The following DYM variants were observed in gnomAD, a reference collection of about 807,000 sequenced individuals.
DYM encodes dymeclin.
A neutral mutation model predicts 93.1 loss-of-function variants in DYM; 78 were observed. The ratio of observed to expected loss-of-function variants is 0.84; its 90% CI spans 0.70 to 1.01. DYM has a LOEUF of 1.01. Among genes scored for constraint, DYM ranks in the 50% least tolerant of loss-of-function variants. DYM has a pLI of 0.00. For missense variants in DYM, 789 were observed against 845.0 expected (o/e 0.93, Z 0.82); for synonymous variants, 321 against 319.7 (o/e 1.00, Z -0.04).
intron 14 of DYM, among the ~76,000 whole-genome samples, chr18:49,174,916 G>A (rs2089211137): frequency 6.6e-6 from 1 of 152,076 alleles, no homozygotes; most frequent in Non-Finnish European, 1.5e-5. Context: ...CGGAAAACAT[G>A]TGAGGATTAA....
At chr18:49,232,173 T>C (rs2093714842) in intron 13 of DYM, among the ~76,000 whole-genome samples, 1 of 152,226 alleles carries the variant, frequency 6.6e-6, no homozygotes, top group African/African-American at 2.4e-5. Flanking sequence ...TTCTGCTTTA[T>C]CCTAGTTTGG....
chr18:49,327,340 A>G (rs1039102107), intron 8 of DYM, among the ~76,000 whole-genome samples: 4 of 151,790 alleles, frequency 2.6e-5, no homozygotes, highest in South Asian at 4.2e-4. Flanking sequence ...TCTACTGTGT[A>G]TATCTTTAGG....
In DYM at chr18:49,038,064, A is replaced by G. The variant is rs1478194988; in HGVS notation, c.*5991T>C. On this transcript the variant is annotated 3_prime_UTR_variant, in exon 18 of 18. Coordinates refer to ENST00000675505, the MANE Select transcript of DYM (RefSeq NM_001353214.3). Reference sequence around the variant, plus strand: ...GGTCTCAAACTCCTGGGCTCAAGTGATCTTCCTGACTTGGCCTCTCAAAGT... The same window carrying G: ...GGTCTCAAACTCCTGGGCTCAAGTGGTCTTCCTGACTTGGCCTCTCAAAGT... 6.6e-6 allele frequency among the ~76,000 whole-genome samples: 1 copy of G among 152,116 alleles called. No individual in the cohort carries two copies. The highest frequency in any genetic ancestry group is 1.5e-5 in the Non-Finnish European group (1 of 68,028).
chr18:49,289,120 G>A (rs1284776868), intron 8 of DYM, among the ~76,000 whole-genome samples: 1 of 152,060 alleles, frequency 6.6e-6, no homozygotes, highest in Non-Finnish European at 1.5e-5. Flanking sequence ...TAAAGGTAGT[G>A]TGCCAGATCA....
At chr18:49,321,294 T>G in intron 8 of DYM, 1 of 398,118 alleles carries the variant, frequency 2.5e-6, no homozygotes, top group South Asian at 1.3e-4. Flanking sequence ...ATTGCTTTAT[T>G]CTATATTCCT....
At chr18:49,098,097 A>G (rs1263061313) in intron 16 of DYM, among the ~76,000 whole-genome samples, 1 of 152,210 alleles carries the variant, frequency 6.6e-6, no homozygotes, top group Admixed American at 6.5e-5. Context: ...ACACAGTAGC[A>G]TTCTGGAAAT....
chr18:49,235,117 C>G (rs1270450652), intron 13 of DYM, among the ~76,000 whole-genome samples: 1 of 152,186 alleles, frequency 6.6e-6, no homozygotes, highest in South Asian at 2.1e-4. Flanking sequence ...ACCAGCAGAG[C>G]CAAGTCAGAT....
At chr18:49,318,809 T>C (rs950281460) in intron 8 of DYM, among the ~76,000 whole-genome samples, 1 of 142,280 alleles carries the variant, frequency 7.0e-6, no homozygotes, top group Non-Finnish European at 1.5e-5. Flanking sequence ...TTTTTTTTTT[T>C]TTTTTTTTTG....
chr18:49,453,217 G>T (rs112981292), intron 1 of DYM, among the ~76,000 whole-genome samples: 21,208 of 85,884 alleles, frequency 0.25, 5,649 homozygotes, highest in East Asian at 0.55. Context: ...CTTTTGTGTC[G>T]AGCTCAGGGA....
In DYM at chr18:49,391,575, C is replaced by G; in HGVS notation, c.193+18G>C. 2 of 1,612,842 alleles carry G rather than the reference C, an allele frequency of 1.2e-6. No individual in the cohort carries two copies. Among genetic ancestry groups the G allele is most frequent in the Non-Finnish European group, 1.7e-6 (2 of 1,179,034 alleles). ...CAAAATTTGAAAACAACACCCCACACACATTTTTCCCACTTACCTAATGAC... is the reference window on the plus strand; with the variant it reads ...CAAAATTTGAAAACAACACCCCACAGACATTTTTCCCACTTACCTAATGAC... On this transcript the variant is annotated intron_variant, in intron 3 of 17. Coordinates refer to ENST00000675505, the MANE Select transcript of DYM (RefSeq NM_001353214.3).
At chr18:49,082,643 G>T (rs1176026990) in intron 17 of DYM, among the ~76,000 whole-genome samples, 1 of 152,174 alleles carries the variant, frequency 6.6e-6, no homozygotes, top group African/African-American at 2.4e-5. Flanking sequence ...GTACAGAATG[G>T]TAAAGAAGAA....
chr18:49,193,019 C>T (rs2091124864), intron 14 of DYM, among the ~76,000 whole-genome samples: 1 of 152,072 alleles, frequency 6.6e-6, no homozygotes, highest in Non-Finnish European at 1.5e-5. Context: ...TTGTTATATA[C>T]ATTTCAATAT....
At chr18:49,296,419 G>A (rs1397862483) in intron 8 of DYM, among the ~76,000 whole-genome samples, 1 of 152,166 alleles carries the variant, frequency 6.6e-6, no homozygotes, top group Non-Finnish European at 1.5e-5. Flanking sequence ...TTAAGGGCCT[G>A]CTATGGATTG....
At chr18:49,408,994 G>C (rs996997003) in intron 2 of DYM, among the ~76,000 whole-genome samples, 1 of 152,116 alleles carries the variant, frequency 6.6e-6, no homozygotes, top group Non-Finnish European at 1.5e-5. Context: ...TAAAAACTCA[G>C]TAAATGTGGG....
intron 17 of DYM, among the ~76,000 whole-genome samples, chr18:49,088,901 C>T (rs912388415): frequency 2.0e-5 from 3 of 152,168 alleles, no homozygotes; most frequent in African/African-American, 7.2e-5. Context: ...AAGCGATCCT[C>T]CTGCCTTAGC....
chr18:49,223,818 G>A (rs2093440716), intron 13 of DYM, among the ~76,000 whole-genome samples: 1 of 152,096 alleles, frequency 6.6e-6, no homozygotes, highest in East Asian at 1.9e-4. Context: ...AGACTGGAAG[G>A]AAACATGTCT....
intron 2 of DYM, among the ~76,000 whole-genome samples, chr18:49,391,940 G>A (rs572318615): frequency 1.3e-5 from 2 of 152,308 alleles, no homozygotes; most frequent in South Asian, 4.1e-4. Context: ...GCACTCCAAA[G>A]TAGAGAGCTC....
intron 14 of DYM, among the ~76,000 whole-genome samples, chr18:49,188,449 C>T (rs2090656003): frequency 6.6e-6 from 1 of 152,160 alleles, no homozygotes. Flanking sequence ...TAAGATCTGG[C>T]TGTTCATAAA....
At chr18:49,143,895 A>G (rs1171795681) in intron 15 of DYM, among the ~76,000 whole-genome samples, 3 of 152,160 alleles carry the variant, frequency 2.0e-5, no homozygotes, top group Non-Finnish European at 2.9e-5. Context: ...GGTTATTCTG[A>G]AGCAAAGTCC....
Sources: allele counts gnomAD v4.1 joint callset (sites outside exome capture counted in the v4.1 genomes callset), GRCh38; gene constraint gnomAD v4.1.1; transcripts MANE v1.5; gene names NCBI Gene and HGNC (gene_info 2026-07-23, HGNC 2026-07-21).